Variants in RCC1 observed in about 807,000 individuals in gnomAD.
The protein encoded by RCC1 is regulator of chromosome condensation 1, also known as regulator of chromosome condensation.
Under a neutral mutation model 44.4 loss-of-function variants are expected in RCC1, and 11 were observed. The observed-to-expected ratio is 0.25, with a 90% CI of 0.16 to 0.41. RCC1 has a LOEUF of 0.41. Among genes scored for constraint, RCC1 ranks in the 10% least tolerant of loss-of-function variants. RCC1 has a pLI of 1.00. For missense variants in RCC1, 386 were observed against 547.1 expected, an observed-to-expected ratio of 0.71 and a Z score of 2.94; for synonymous variants, 213 against 216.5, an observed-to-expected ratio of 0.98 and a Z score of 0.14.
At chr1:28,515,442 C>T (rs1039177723) in intron 3 of RCC1, among the ~76,000 whole-genome samples, 3 of 151,450 alleles carry the variant, frequency 2.0e-5, no homozygotes, top group Non-Finnish European at 4.4e-5. Context: ...TGGGGCTGGG[C>T]GCAGTAGTTC....
chr1:28,537,691 C>T (rs1054277010), intron 12 of RCC1, 141 bp from the exon 13 acceptor site: 5 of 788,764 alleles, frequency 6.3e-6, no homozygotes, highest in South Asian at 6.2e-5. Context: ...TCCCAACTTC[C>T]CTGAACTCCC....
chr1:28,523,811 AG>A (rs1663457803), intron 4 of RCC1, among the ~76,000 whole-genome samples: 1 of 152,172 alleles, frequency 6.6e-6, no homozygotes, highest in Admixed American at 6.5e-5. Context: ...ATCTAAAACA[AG>A]GGTGCCTCTT....
At position 28,538,516 on chromosome 1, in the gene RCC1, A is replaced by G. The variant is rs1374211020; in HGVS notation, c.*509A>G. On this transcript the variant is annotated 3_prime_UTR_variant, in exon 13 of 13. Transcript: ENST00000683442. The stretch of plus-strand genomic sequence containing the variant: ...AACGTGCAGAAAAAAGCAGAGCTAC[A>G]TGGCTGTGGGCAACTATAAGCCAAA... The G allele has an allele frequency of 1.3e-5, 2 of 152,406 alleles. No homozygotes were observed. Among genetic ancestry groups the G allele is most frequent in the Non-Finnish European group, 2.9e-5 (2 of 68,178 alleles). 9.4% of individuals were successfully genotyped at this position (152,406 alleles called of 1,614,324 possible).
intron 1 of RCC1, 195 bp from the exon 2 acceptor site, chr1:28,507,933 A>G (rs1337980810): frequency 3.3e-6 from 1 of 301,594 alleles, no homozygotes; most frequent in Non-Finnish European, 6.6e-6. Context: ...CATGTTTAAG[A>G]AAAATTGGCT....
rs2124614685 is a variant in RCC1, at chr1:28,514,608, A to G, written c.-152-2117A>G. Among the ~76,000 whole-genome samples, 3 of 149,932 alleles carry G rather than the reference A, an allele frequency of 2.0e-5. No individual in the cohort carries two copies. In the Middle Eastern group the frequency reaches 0.011, roughly 539 times the overall value. Reference sequence around the variant, plus strand: ...GAAACCCCGTCTCTACTAAAAATACAAAATTAGCCGGGCATGGTGGCACAT... The same window carrying G: ...GAAACCCCGTCTCTACTAAAAATACGAAATTAGCCGGGCATGGTGGCACAT... On this transcript the variant is annotated intron_variant, in intron 3 of 12. Coordinates refer to ENST00000683442, the MANE Select transcript of RCC1 (RefSeq NM_001381865.2).
At chr1:28,532,477 G>A in intron 7 of RCC1, 127 bp downstream of exon 7, 1 of 1,030,560 alleles carries the variant, frequency 9.7e-7, no homozygotes, top group African/African-American at 1.6e-5. Flanking sequence ...CACAGGTAGA[G>A]CTGAGGCCCA....
Position 28,529,247 on chromosome 1 carries a change from G to A in RCC1, c.-9-611G>A, listed in dbSNP as rs767740081. The stretch of plus-strand genomic sequence containing the variant: ...TGCCCAGGCTGGAGTGCAGTGGCTC[G>A]ATCTTGGCTCACCACAACCTCCACC... On this transcript the variant is annotated intron_variant, in intron 4 of 12. Transcript: ENST00000683442. Among the ~76,000 whole-genome samples the A allele has an allele frequency of 3.7e-5, 5 of 135,778 alleles. No homozygotes were observed. In the Admixed American group the frequency reaches 4.1e-4, roughly 11 times the overall value. 89.1% of individuals were successfully genotyped at this position (135,778 alleles called of 152,430 possible).
intron 3 of RCC1, among the ~76,000 whole-genome samples, chr1:28,516,040 G>A (rs1338167808): frequency 2.0e-5 from 3 of 151,820 alleles, no homozygotes; most frequent in Non-Finnish European, 2.9e-5. Context: ...AAAATTAGCT[G>A]GGCATGGTGG....
rs758640241 is a variant in RCC1 at position 28,536,278 on chromosome 1, A to C, written c.834A>C (p.Glu278Asp). ...TTCCCCCAGGAACTCCGGGCACAGA[A>C]TCTTGCTTCATACCCCAGAACCTAA... is the stretch of plus-strand genomic sequence containing the variant. ...NYHQLGTPGTESCFIPQNLTS... is the reference protein window; with the variant it reads ...NYHQLGTPGTDSCFIPQNLTS... The change falls in exon 11 of 13, where the codon GAA (glutamate) becomes GAC (aspartate). Residue 278 changes from glutamate to aspartate, a missense_variant. Glu to Asp is a conservative substitution (Grantham distance 45). Transcript: ENST00000683442. This position sits in a 1 kb window ranked among gnomAD's most constrained non-coding sequence, Gnocchi z 4.9. 2.5e-6 allele frequency: 4 copies of C among 1,613,946 alleles called. No homozygotes were observed. The Admixed American group carries it at 5.0e-5, about 20-fold the overall frequency.
intron 3 of RCC1, chr1:28,510,087 AGG>A (rs758499307): frequency 4.6e-5 from 7 of 152,332 alleles, no homozygotes; most frequent in Middle Eastern, 3.4e-3. Flanking sequence ...ATGGGACTGA[AGG>A]GGGATCATCT....
intron 5 of RCC1, among the ~76,000 whole-genome samples, chr1:28,530,889 G>T (rs1664112650): frequency 3.3e-5 from 5 of 152,206 alleles, no homozygotes; most frequent in Admixed American, 3.3e-4. Flanking sequence ...CTGGCGGACG[G>T]CTTGGGCATG....
chr1:28,509,626 A>G (rs1662348664), intron 3 of RCC1: 1 of 152,200 alleles, frequency 6.6e-6, no homozygotes, highest in African/African-American at 2.4e-5. Flanking sequence ...TAAAATAAAT[A>G]CGACTGCATG....
intron 3 of RCC1, among the ~76,000 whole-genome samples, chr1:28,513,989 C>T (rs11807178): frequency 0.61 from 92,428 of 151,402 alleles, 29,769 homozygotes; most frequent in African/African-American, 0.78. Context: ...GGTGAAACCC[C>T]GCCTCTACTA....
chr1:28,514,026 A>C (rs984658206), intron 3 of RCC1, among the ~76,000 whole-genome samples: 2 of 151,846 alleles, frequency 1.3e-5, no homozygotes, highest in Admixed American at 6.6e-5. Flanking sequence ...AAAATTAGCC[A>C]GGTGTGGTGG....
chr1:28,506,412 T>A, intron 1 of RCC1: 1 of 341,906 alleles, frequency 2.9e-6, no homozygotes, highest in South Asian at 2.2e-5. Flanking sequence ...TTTGAACTCC[T>A]GATTTCCGGT....
Position 28,508,143 on chromosome 1 carries a change from C to T in RCC1, c.-246C>T, listed in dbSNP as rs752749106. On this transcript the variant is annotated 5_prime_UTR_variant, in exon 2 of 13. Coordinates refer to ENST00000683442, the MANE Select transcript of RCC1 (RefSeq NM_001381865.2). Reference sequence around the variant, plus strand: ...TGTTTTGCAGGATTTGTTAAGGATTCCAAGTAACTCTTATTTGGTGAGTAA... The same window carrying T: ...TGTTTTGCAGGATTTGTTAAGGATTTCAAGTAACTCTTATTTGGTGAGTAA... 2.5e-5 allele frequency: 11 copies of T among 445,186 alleles called. No individual in the cohort carries two copies. Among genetic ancestry groups the T allele is most frequent in the Non-Finnish European group, 4.6e-5 (10 of 218,742 alleles). 27.6% of individuals were successfully genotyped at this position (445,186 alleles called of 1,614,324 possible). A position where few individuals can be genotyped will look rare whatever the true frequency, so the allele number is the denominator to read the frequency against.
At position 28,535,246 on chromosome 1, in the gene RCC1, T is replaced by C; in HGVS notation, c.539-12T>C. On this transcript the variant is annotated splice_polypyrimidine_tract_variant and intron_variant, in intron 8 of 12. Transcript: ENST00000683442. ...CAGTTGTGGCCTGCATCCCTTACCT[T>C]TTCATCCTTAGGAAACGACCACTTG... 6.2e-7 allele frequency: 1 copy of C among 1,614,174 alleles called. No individual in the cohort carries two copies. The highest frequency in any genetic ancestry group is 8.5e-7 in the Non-Finnish European group (1 of 1,180,020).
intron 4 of RCC1, chr1:28,527,126 A>G: frequency 8.0e-7 from 1 of 1,252,912 alleles, no homozygotes; most frequent in South Asian, 1.2e-5. Flanking sequence ...TTCTTCCAGA[A>G]GCAGCAGGCC....
At chr1:28,507,271 A>C in intron 1 of RCC1, 1 of 483,582 alleles carries the variant, frequency 2.1e-6, no homozygotes, top group Non-Finnish European at 4.2e-6. Flanking sequence ...ACAGGGTGGA[A>C]ACTCGTTTGC....
Sources: gnomAD v4.1 joint callset for allele counts (sites outside exome capture counted in the v4.1 genomes callset) on GRCh38, gnomAD v4.1.1 for gene constraint, Gnocchi (gnomAD v3.1) non-coding constraint, MANE v1.5 for transcripts, NCBI Gene and HGNC (gene_info 2026-07-23, HGNC 2026-07-21) for gene names.